The following S100Z variants were observed in gnomAD, a reference collection of about 807,000 sequenced individuals.
S100Z encodes S100 calcium binding protein Z, also known as protein S100-Z.
Under a neutral mutation model 8.5 loss-of-function variants are expected in S100Z, and 11 were observed. The ratio of observed to expected loss-of-function variants is 1.30; its 90% CI spans 0.82 to 2.15. The LOEUF (loss-of-function observed/expected upper bound fraction) is 2.15. S100Z is among the 30% of genes most tolerant of loss of function. S100Z has a pLI of 0.00. For missense variants in S100Z, 126 were observed against 117.9 expected, an observed-to-expected ratio of 1.07 and a Z score of -0.32; for synonymous variants, 34 against 43.8, an observed-to-expected ratio of 0.78 and a Z score of 0.89.
chr5:76,868,073 G>C (rs1488924676), intron 1 of S100Z, among the ~76,000 whole-genome samples: 1 of 152,152 alleles, frequency 6.6e-6, no homozygotes, highest in Admixed American at 6.5e-5. Flanking sequence ...CCCCCTCCTG[G>C]GATTTCATGT....
the S100Z span, among the ~76,000 whole-genome samples, chr5:76,950,876 G>A: frequency 3.9e-5 from 6 of 152,032 alleles, no homozygotes; most frequent in Admixed American, 1.3e-4. Context: ...ATTTTTCTTC[G>A]GCCTAATCCA....
intron 4 of S100Z, among the ~76,000 whole-genome samples, chr5:76,888,912 C>A (rs1203048034): frequency 6.6e-6 from 1 of 152,212 alleles, no homozygotes; most frequent in African/African-American, 2.4e-5. Context: ...GATTCTCCCG[C>A]CTTTTTGCCC....
At chr5:76,952,808 T>C in the S100Z span, 1 of 322,244 alleles carries the variant, frequency 3.1e-6, no homozygotes, top group African/African-American at 2.0e-5. Context: ...TTATTCTTTG[T>C]CTCCGCCTCA....
chr5:76,905,797 A>G (rs1318999209), intron 4 of S100Z, among the ~76,000 whole-genome samples: 1 of 152,174 alleles, frequency 6.6e-6, no homozygotes, highest in Non-Finnish European at 1.5e-5. Context: ...TATGTTTAGT[A>G]GCTGAGCCAT....
intron 1 of S100Z, among the ~76,000 whole-genome samples, chr5:76,852,062 A>G (rs1318861239): frequency 8.5e-6 from 1 of 117,608 alleles, no homozygotes. Flanking sequence ...TTTCTTTTAA[A>G]AAAAAAAAAA....
intron 4 of S100Z, among the ~76,000 whole-genome samples, chr5:76,900,407 T>C (rs967966945): frequency 2.0e-5 from 3 of 151,922 alleles, no homozygotes; most frequent in African/African-American, 7.3e-5. Context: ...TTCTGTAGGA[T>C]TACTTCATTG....
downstream of S100Z, among the ~76,000 whole-genome samples, chr5:76,924,918 A>G (rs199519271): frequency 0.14 from 21,203 of 152,088 alleles, 1,729 homozygotes; most frequent in Middle Eastern, 0.22. Context: ...GTCTCAAAAA[A>G]AAAAAAAAGA....
chr5:76,940,693 G>C, the S100Z span, among the ~76,000 whole-genome samples: 7 of 152,280 alleles, frequency 4.6e-5, no homozygotes, highest in Middle Eastern at 0.017. Flanking sequence ...GATTACAGGC[G>C]TGAGCCAACA....
intron 4 of S100Z, among the ~76,000 whole-genome samples, chr5:76,884,137 C>T (rs573581646): frequency 3.7e-4 from 56 of 152,320 alleles, no homozygotes; most frequent in South Asian, 1.4e-3. Flanking sequence ...GAGATTAAGA[C>T]GGCCTTCTGG....
At chr5:76,933,022 G>A in the S100Z span, among the ~76,000 whole-genome samples, 1 of 152,234 alleles carries the variant, frequency 6.6e-6, no homozygotes, top group African/African-American at 2.4e-5. Flanking sequence ...TTAACTTACT[G>A]TCATAATCTC....
chr5:76,898,410 C>T (rs539835244), intron 4 of S100Z, among the ~76,000 whole-genome samples: 43 of 152,124 alleles, frequency 2.8e-4, no homozygotes, highest in African/African-American at 9.9e-4. Context: ...GGTGATCCGC[C>T]CACCTCGGCC....
At chr5:76,850,571 C>T (rs987992608) in intron 1 of S100Z, among the ~76,000 whole-genome samples, 5 of 152,174 alleles carry the variant, frequency 3.3e-5, no homozygotes, top group Non-Finnish European at 4.4e-5. Flanking sequence ...CTTAGATCCA[C>T]GCCGTGATTT....
chr5:76,902,675 G>A (rs1744273997), intron 4 of S100Z, among the ~76,000 whole-genome samples: 1 of 150,192 alleles, frequency 6.7e-6, no homozygotes, highest in Admixed American at 6.6e-5. Flanking sequence ...TTTCTGTGTA[G>A]ATAGTTATTA....
At chr5:76,918,712 T>C (rs937618469) in intron 4 of S100Z, among the ~76,000 whole-genome samples, 2 of 152,218 alleles carry the variant, frequency 1.3e-5, no homozygotes, top group Non-Finnish European at 2.9e-5. Flanking sequence ...CCAGTGTCTG[T>C]AGTTTACACT....
chr5:76,894,481 A>G (rs2150664131), intron 4 of S100Z, among the ~76,000 whole-genome samples: 1 of 152,296 alleles, frequency 6.6e-6, no homozygotes, highest in South Asian at 2.1e-4. Context: ...TTTTTCATTG[A>G]CAGACATCAG....
At chr5:76,894,463 G>T (rs1743965813) in intron 4 of S100Z, among the ~76,000 whole-genome samples, 1 of 152,138 alleles carries the variant, frequency 6.6e-6, no homozygotes. Flanking sequence ...ATGTTACAGA[G>T]TTTGACTTTT....
In S100Z at chr5:76,863,319, C is replaced by T. The variant is rs78937638; in HGVS notation, c.-175-6847C>T. Among the ~76,000 whole-genome samples the T allele has an allele frequency of 6.6e-3, 1,008 of 152,306 alleles. 7 individuals carry two copies. The highest frequency in any genetic ancestry group is 0.023 in the African/African-American group (954 of 41,570). ...GCACACACACAAGCACTCACTCACA[C>T]AGTGGTCCTTAACACACTTTAGAAT... On this transcript the variant is annotated intron_variant, in intron 1 of 4. Coordinates refer to ENST00000317593, the MANE Select transcript of S100Z (RefSeq NM_130772.4).
intron 1 of S100Z, among the ~76,000 whole-genome samples, chr5:76,863,088 T>A (rs1373495234): frequency 2.6e-5 from 4 of 152,224 alleles, no homozygotes; most frequent in African/African-American, 9.6e-5. Flanking sequence ...GAGAGAACAC[T>A]TTCTGTAGTT....
chr5:76,922,216 C>T (rs1319837008), downstream of S100Z, among the ~76,000 whole-genome samples: 1 of 152,092 alleles, frequency 6.6e-6, no homozygotes, highest in Non-Finnish European at 1.5e-5. Context: ...CCTTGTCTAA[C>T]CAAGAAAGCT....
Sources: allele counts gnomAD v4.1 joint callset (sites outside exome capture counted in the v4.1 genomes callset), GRCh38; gene constraint gnomAD v4.1.1; transcripts MANE v1.5; gene names NCBI Gene and HGNC (gene_info 2026-07-23, HGNC 2026-07-21).